The following TIMM10 variants were observed in gnomAD, a reference collection of about 807,000 sequenced individuals.
The protein encoded by TIMM10 is translocase of inner mitochondrial membrane 10.
A neutral mutation model predicts 9.1 loss-of-function variants in TIMM10; 13 were observed. That is an observed-to-expected ratio of 1.42 (90% CI 0.93 to 2.26). TIMM10 has a LOEUF of 2.26. TIMM10 is among the 30% of genes most tolerant of loss of function. TIMM10 has a pLI of 0.00. For missense variants in TIMM10, 82 were observed against 113.6 expected (o/e 0.72, Z 1.26); for synonymous variants, 40 against 42.1 (o/e 0.95, Z 0.20).
chr11:57,530,742 A>C lies in TIMM10; in HGVS notation c.-130T>G, dbSNP rs929823042. The C allele has an allele frequency of 6.6e-6, 1 of 152,614 alleles. No individual in the cohort carries two copies. The highest frequency in any genetic ancestry group is 2.1e-4 in the South Asian group (1 of 4,856). The allele number at this position is 152,614 out of a possible 1,614,324, so 9.5% of individuals were successfully genotyped here. On this transcript the variant is annotated 5_prime_UTR_variant, in exon 1 of 3. Coordinates refer to ENST00000257245, the MANE Select transcript of TIMM10 (RefSeq NM_012456.3). ...CGTTACCCGCCTCCCGAGAGGCTCC[A>C]GCGGAAGCACGTGGGTTACTTCCGG...
At position 57,530,106 on chromosome 11, in the gene TIMM10, T is replaced by A. The variant is rs371734344; in HGVS notation, c.71+13A>T. The A allele has an allele frequency of 6.2e-7, 1 of 1,613,628 alleles. No homozygotes were observed. The highest frequency in any genetic ancestry group is 8.5e-7 in the Non-Finnish European group (1 of 1,179,682). ...TTATTTTCCAAGACAGGGTAGCACA[T>A]AGTTCTCTTTACCTGTTGTACATAT... On this transcript the variant is annotated intron_variant, in intron 2 of 2. Transcript: ENST00000257245.
chr11:57,529,065 T>A (rs2135252598), intron 2 of TIMM10, 147 bp from the exon 3 acceptor site: 1 of 817,942 alleles, frequency 1.2e-6, no homozygotes, highest in African/African-American at 1.7e-5. Context: ...TGGAAGGTCC[T>A]TGCAAGTAGG....
intron 1 of TIMM10, 101 bp downstream of exon 1, chr11:57,530,557 G>T: frequency 4.0e-6 from 1 of 247,822 alleles, no homozygotes; most frequent in Non-Finnish European, 8.3e-6. Flanking sequence ...GGGATCATAC[G>T]CTGAACAGAG....
rs2135252080 is a variant in TIMM10, at chr11:57,528,594, T to C, written c.*123A>G. ...AGGAGACAGCGCTACCACTCCGGGA[T>C]CTTGAAGACTCTCTACAGAGAGCCT... On this transcript the variant is annotated 3_prime_UTR_variant, in exon 3 of 3. Coordinates refer to ENST00000257245, the MANE Select transcript of TIMM10 (RefSeq NM_012456.3). 1 of 870,930 alleles carries C rather than the reference T, an allele frequency of 1.1e-6. No homozygotes were observed. The highest frequency in any genetic ancestry group is 1.8e-6 in the Non-Finnish European group (1 of 556,158). The allele number at this position is 870,930 out of a possible 1,614,324, so 54.0% of individuals were successfully genotyped here. A position where few individuals can be genotyped will look rare whatever the true frequency, so the allele number is the denominator to read the frequency against.
intron 2 of TIMM10, 92 bp from the exon 3 acceptor site, chr11:57,529,010 T>C (rs539651339): frequency 7.5e-7 from 1 of 1,337,592 alleles, no homozygotes; most frequent in East Asian, 2.4e-5. Flanking sequence ...TGATTTCACC[T>C]CCCCCAAGAA....
Position 57,528,612 on chromosome 11 carries a change from G to T in TIMM10, c.*105C>A. 8.8e-7 allele frequency: 1 copy of T among 1,134,308 alleles called. No individual in the cohort carries two copies. Among genetic ancestry groups the T allele is most frequent in the Non-Finnish European group, 1.3e-6 (1 of 777,248 alleles). 70.3% of individuals were successfully genotyped at this position (1,134,308 alleles called of 1,614,324 possible). ...TCCGGGATCTTGAAGACTCTCTACA[G>T]AGAGCCTAGGCCTGGCAGTCTTCAC... On this transcript the variant is annotated 3_prime_UTR_variant, in exon 3 of 3. Transcript: ENST00000257245.
At position 57,528,524 on chromosome 11, in the gene TIMM10, C is replaced by A; in HGVS notation, c.*193G>T. The A allele has an allele frequency of 2.2e-6, 1 of 454,842 alleles. No individual in the cohort carries two copies. The highest frequency in any genetic ancestry group is 4.0e-6 in the Non-Finnish European group (1 of 247,674). The allele number at this position is 454,842 out of a possible 1,614,324, so 28.2% of individuals were successfully genotyped here. ...ATATATATATATATATATACACATA[C>A]ATACACACACAGTCACATTCCAGTG... On this transcript the variant is annotated 3_prime_UTR_variant, in exon 3 of 3. Coordinates refer to ENST00000257245, the MANE Select transcript of TIMM10 (RefSeq NM_012456.3).
chr11:57,529,055 T>C, intron 2 of TIMM10, 137 bp from the exon 3 acceptor site: 1 of 883,240 alleles, frequency 1.1e-6, no homozygotes, highest in South Asian at 1.7e-5. Flanking sequence ...CCTCAACCAC[T>C]GGAAGGTCCT....
chr11:57,529,664 C>T (rs1397390845), intron 2 of TIMM10, among the ~76,000 whole-genome samples: 1 of 152,128 alleles, frequency 6.6e-6, no homozygotes, highest in Admixed American at 6.5e-5. Context: ...AGCTGCCGAC[C>T]CTAAGGAAGT....
At position 57,530,152 on chromosome 11, in the gene TIMM10, A is replaced by G; in HGVS notation, c.38T>C (p.Leu13Pro). The change falls in exon 2 of 3, where the codon CTG becomes CCG. Residue 13 changes from leucine to proline, a missense_variant. Transcript: ENST00000257245. ...CATATCGGCCATCATCTCCACCTCC[A>G]GCTCCGCAGCCAGCTGTTGGGCCCT... ...PLRAQQLAAE[L>P]EVEMMADMYN... 6 of 1,614,094 alleles carry G rather than the reference A, an allele frequency of 3.7e-6. No homozygotes were observed. The highest frequency in any genetic ancestry group is 5.1e-6 in the Non-Finnish European group (6 of 1,179,998).
At chr11:57,529,199 C>T (rs573623169) in intron 2 of TIMM10, among the ~76,000 whole-genome samples, 2 of 152,328 alleles carry the variant, frequency 1.3e-5, no homozygotes, top group Admixed American at 1.3e-4. Context: ...TACAATAACC[C>T]TAAGAGACAT....
rs533139958 is a variant in TIMM10, at chr11:57,530,582, G to A, written c.-46+76C>T. On this transcript the variant is annotated intron_variant, in intron 1 of 2. Coordinates refer to ENST00000257245, the MANE Select transcript of TIMM10 (RefSeq NM_012456.3). ...GCTGAACAGAGGCGACCGGGACCCAGCCCAAAGGCTACACCTCTGAAATGG... is the reference window on the plus strand; with the variant it reads ...GCTGAACAGAGGCGACCGGGACCCAACCCAAAGGCTACACCTCTGAAATGG... The A allele has an allele frequency of 8.6e-5, 18 of 210,516 alleles. No homozygotes were observed. In the South Asian group the frequency reaches 1.3e-3, roughly 15 times the overall value. 13.0% of individuals were successfully genotyped at this position (210,516 alleles called of 1,614,324 possible). A position where few individuals can be genotyped will look rare whatever the true frequency, so the allele number is the denominator to read the frequency against.
intron 1 of TIMM10, 25 bp from the exon 2 acceptor site, chr11:57,530,259 A>C (rs1590796953): frequency 6.6e-7 from 1 of 1,516,262 alleles, no homozygotes; most frequent in Admixed American, 1.7e-5. Context: ...CACCATCAGC[A>C]CCCACCGCCG....
rs113266452 is a variant in TIMM10, at chr11:57,528,575, C to A, written c.*142G>T. On this transcript the variant is annotated 3_prime_UTR_variant, in exon 3 of 3. Transcript: ENST00000257245. Reference sequence around the variant, plus strand: ...TGACAAATACTCCTTCACCAGGAGACAGCGCTACCACTCCGGGATCTTGAA... The same window carrying A: ...TGACAAATACTCCTTCACCAGGAGAAAGCGCTACCACTCCGGGATCTTGAA... 6.5e-3 allele frequency: 4,461 copies of A among 689,358 alleles called. 162 individuals are homozygous for A. In the African/African-American group the frequency reaches 0.07, roughly 11 times the overall value. The allele number at this position is 689,358 out of a possible 1,614,324, so 42.7% of individuals were successfully genotyped here.
chr11:57,528,793 C>G lies in TIMM10; in HGVS notation c.197G>C (p.Gly66Ala), dbSNP rs1464725149. 1 of 1,614,056 alleles carries G rather than the reference C, an allele frequency of 6.2e-7. No homozygotes were observed. Among genetic ancestry groups the G allele is most frequent in the Non-Finnish European group, 8.5e-7 (1 of 1,180,016 alleles). ...SKYLDIHERM[G>A]KKLTELSMQD... is the part of the protein sequence containing the mutation. The stretch of plus-strand genomic sequence containing the variant: ...CATAGACAACTCTGTCAACTTTTTG[C>G]CCATCCGCTCATGGATGTCCAGGTA... The change falls in exon 3 of 3, where the codon GGC becomes GCC. Residue 66 changes from glycine to alanine, a missense_variant. By Grantham distance (60) the Gly-to-Ala change is moderately conservative. Coordinates refer to ENST00000257245, the MANE Select transcript of TIMM10 (RefSeq NM_012456.3).
At position 57,530,374 on chromosome 11, in the gene TIMM10, G is replaced by C. The variant is rs1009241483; in HGVS notation, c.-45-140C>G. The C allele has an allele frequency of 2.2e-5, 13 of 581,794 alleles. No individual in the cohort carries two copies. The African/African-American group carries it at 2.2e-4, about 10-fold the overall frequency. 36.0% of individuals were successfully genotyped at this position (581,794 alleles called of 1,614,324 possible). Reference sequence around the variant, plus strand: ...GTGAGCTTAACCACCCCATTTCACGGATGTGGAAACTGAGGCCTAGCCCAA... The same window carrying C: ...GTGAGCTTAACCACCCCATTTCACGCATGTGGAAACTGAGGCCTAGCCCAA... On this transcript the variant is annotated intron_variant, in intron 1 of 2. Transcript: ENST00000257245.
intron 2 of TIMM10, among the ~76,000 whole-genome samples, 161 bp downstream of exon 2, chr11:57,529,958 G>C (rs1944782650): frequency 6.6e-6 from 1 of 152,084 alleles, no homozygotes; most frequent in Non-Finnish European, 1.5e-5. Flanking sequence ...ACCCTTTACT[G>C]CATCTACATT....
chr11:57,528,666 T>C lies in TIMM10; in HGVS notation c.*51A>G. The C allele has an allele frequency of 6.3e-7, 1 of 1,592,284 alleles. No homozygotes were observed. Among genetic ancestry groups the C allele is most frequent in the Non-Finnish European group, 8.6e-7 (1 of 1,162,606 alleles). On this transcript the variant is annotated 3_prime_UTR_variant, in exon 3 of 3. Transcript: ENST00000257245. ...TGACACCCAACAGGGAGCACGTTTA[T>C]TAAAGTGGGAAGGGGTGGGGTACAC... is the stretch of plus-strand genomic sequence containing the variant.
In TIMM10 at chr11:57,528,827, C is replaced by A. The variant is rs1565151092; in HGVS notation, c.163G>T (p.Val55Phe). 6.2e-7 allele frequency: 1 copy of A among 1,614,104 alleles called. No homozygotes were observed. The change falls in exon 3 of 3, where the codon GTC (valine) becomes TTC (phenylalanine). Residue 55 changes from valine (V) to phenylalanine (F), a missense_variant. Val to Phe is a conservative substitution (Grantham distance 50). Coordinates refer to ENST00000257245, the MANE Select transcript of TIMM10 (RefSeq NM_012456.3). ...KGESVCLDRC[V>F]SKYLDIHERM... Reference sequence around the variant, plus strand: ...TCATGGATGTCCAGGTACTTAGAGACACATCGGTCCAGGCACACAGACTCG... The same window carrying A: ...TCATGGATGTCCAGGTACTTAGAGAAACATCGGTCCAGGCACACAGACTCG...
Sources: gnomAD v4.1 joint callset for allele counts (sites outside exome capture counted in the v4.1 genomes callset) on GRCh38, gnomAD v4.1.1 for gene constraint, MANE v1.5 for transcripts, NCBI Gene and HGNC (gene_info 2026-07-23, HGNC 2026-07-21) for gene names.